The following BSN variants were observed in gnomAD, a reference collection of about 807,000 sequenced individuals.
BSN encodes bassoon presynaptic cytomatrix protein.
Under a neutral mutation model 264.8 loss-of-function variants are expected in BSN, and 57 were observed. The observed-to-expected ratio is 0.22, with a 90% confidence interval of 0.17 to 0.27. BSN has a LOEUF of 0.27. Among genes scored for constraint, BSN ranks in the 10% least tolerant of loss-of-function variants. The pLI, the probability that BSN is intolerant of heterozygous loss-of-function variation, is 1.00. For synonymous variants in BSN, 2,059 were observed against 2,137.3 expected (o/e 0.96, Z 1.01); for missense variants, 4,615 against 5,232.5 (o/e 0.88, Z 3.64).
intron 1 of BSN, among the ~76,000 whole-genome samples, chr3:49,575,604 CA>C (rs938218648): frequency 1.6e-4 from 23 of 140,898 alleles, no homozygotes; most frequent in African/African-American, 5.8e-4. Flanking sequence ...AATATATATA[CA>C]TATATATGTG....
In BSN at chr3:49,650,272, G is replaced by A. The variant is rs561895858; in HGVS notation, c.1519-340G>A. 3.3e-3 allele frequency among the ~76,000 whole-genome samples: 507 copies of A among 152,324 alleles called. 2 individuals carry two copies. Among genetic ancestry groups the A allele is most frequent in the Non-Finnish European group, 3.1e-3 (209 of 68,026 alleles). On this transcript the variant is annotated intron_variant, in intron 3 of 11. Transcript: ENST00000296452. The stretch of plus-strand genomic sequence containing the variant: ...CCACTAGGAGCCGTTTGCTCCCTCA[G>A]ATTGAGACCTCAGCTTCCCCTGTGC...
At position 49,629,588 on chromosome 3, in the gene BSN, G is replaced by A. The variant is rs2052369633; in HGVS notation, c.633+4205G>A. ...ATCCTGGCCTGGAGCTCCTGCAGAT[G>A]CCAGTCTGTCCTCATCCTCAGAACA... On this transcript the variant is annotated intron_variant, in intron 2 of 11. Transcript: ENST00000296452. Among the ~76,000 whole-genome samples the A allele has an allele frequency of 3.9e-5, 6 of 152,378 alleles. No individual in the cohort carries two copies. The South Asian group carries it at 1.2e-3, about 32-fold the overall frequency.
rs1161593001 is a variant in BSN, at chr3:49,625,030, C to T, written c.280C>T (p.Pro94Ser). ...EPLGNQRAAS[P>S]TPKQASATTP... ...CCTGGGTAACCAGAGAGCAGCTTCCCCAACTCCGAAGCAGGCTTCTGCTAC... is the reference window on the plus strand; with the variant it reads ...CCTGGGTAACCAGAGAGCAGCTTCCTCAACTCCGAAGCAGGCTTCTGCTAC... The change falls in exon 2 of 12, where the codon CCA becomes TCA. Residue 94 changes from proline to serine, a missense_variant. By Grantham distance (74) the Pro-to-Ser change is moderately conservative. Around this residue, in one of 3 missense-constraint regions of BSN, gnomAD observed 1,197 missense variants for 1,348.0 expected, o/e 0.89. Coordinates refer to ENST00000296452, the MANE Select transcript of BSN (RefSeq NM_003458.4). This position sits in a 1 kb window ranked among gnomAD's most constrained non-coding sequence, Gnocchi z 4.4. The T allele has an allele frequency of 6.3e-7, 1 of 1,582,950 alleles. No homozygotes were observed. The highest frequency in any genetic ancestry group is 1.1e-5 in the South Asian group (1 of 87,744).
intron 1 of BSN, among the ~76,000 whole-genome samples, chr3:49,600,928 A>T (rs1247740434): frequency 6.6e-6 from 1 of 152,138 alleles, no homozygotes; most frequent in Non-Finnish European, 1.5e-5. Flanking sequence ...AGCCCTGGGA[A>T]TGAGTGGAGG....
In BSN at chr3:49,583,476, G is replaced by A. The variant is rs141132788; in HGVS notation, c.224+28650G>A. ...TAATTTATTTTTGGCTGGGCACAGT[G>A]GCTCATGCCTCTAATCCCAGCACTG... is the stretch of plus-strand genomic sequence containing the variant. On this transcript the variant is annotated intron_variant, in intron 1 of 11. Coordinates refer to ENST00000296452, the MANE Select transcript of BSN (RefSeq NM_003458.4). Among the ~76,000 whole-genome samples the A allele has an allele frequency of 1.2e-3, 185 of 152,226 alleles. 1 individual carries two copies. Among genetic ancestry groups the A allele is most frequent in the Middle Eastern group, 0.01 (3 of 294 alleles).
intron 2 of BSN, among the ~76,000 whole-genome samples, chr3:49,626,705 G>A (rs2052343223): frequency 6.6e-6 from 1 of 152,236 alleles, no homozygotes. Flanking sequence ...GGAACAGGGA[G>A]GCTTGGCAGG....
At chr3:49,568,433 T>C (rs780531866) in intron 1 of BSN, among the ~76,000 whole-genome samples, 20 of 152,246 alleles carry the variant, frequency 1.3e-4, no homozygotes, top group Non-Finnish European at 2.5e-4. Context: ...TCTTGTTCCC[T>C]CTACTTTATT....
intron 1 of BSN, among the ~76,000 whole-genome samples, chr3:49,602,332 A>T (rs531814702): frequency 6.6e-6 from 1 of 152,352 alleles, no homozygotes; most frequent in Middle Eastern, 3.4e-3. Flanking sequence ...AGGAAGGGTC[A>T]TGGAGCATGA....
chr3:49,648,084 G>C (rs2052513665), intron 3 of BSN, among the ~76,000 whole-genome samples: 1 of 152,262 alleles, frequency 6.6e-6, no homozygotes, highest in South Asian at 2.1e-4. Context: ...TGTGACCACA[G>C]GTAACATCTC....
In BSN at chr3:49,658,112, C is replaced by T. The variant is rs752442607; in HGVS notation, c.8556C>T (p.Asp2852=). 2.5e-6 allele frequency: 4 copies of T among 1,612,494 alleles called. No homozygotes were observed. The highest frequency in any genetic ancestry group is 3.4e-6 in the Non-Finnish European group (4 of 1,179,530). The change falls in exon 5 of 12, where the codon GAC becomes GAT. Residue 2852 remains aspartate (D), a synonymous_variant. Transcript: ENST00000296452. ...AGACCCTGCAGCGGTCCCTGTCTGA[C>T]CCTAAGCCCCTCAGCCCCACCGCCG... ...PMKTLQRSLS[D]PKPLSPTAEE...
At position 49,618,459 on chromosome 3, in the gene BSN, T is replaced by A. The variant is rs531697313; in HGVS notation, c.225-6516T>A. 2.6e-5 allele frequency among the ~76,000 whole-genome samples: 4 copies of A among 152,316 alleles called. No individual in the cohort carries two copies. In the South Asian group the frequency reaches 6.2e-4, roughly 24 times the overall value. On this transcript the variant is annotated intron_variant, in intron 1 of 11. Transcript: ENST00000296452. ...CTCACTGGTTTCCTACCTCATCATC[T>A]TCTTCTCCTTGAAGAGACCCTAAAC...
intron 2 of BSN, among the ~76,000 whole-genome samples, chr3:49,637,915 A>G (rs1468877679): frequency 6.6e-6 from 1 of 152,214 alleles, no homozygotes; most frequent in Non-Finnish European, 1.5e-5. Context: ...GGAGATGGCA[A>G]GATGGGCTTC....
intron 1 of BSN, among the ~76,000 whole-genome samples, chr3:49,576,444 A>T (rs1241182259): frequency 7.5e-5 from 11 of 147,422 alleles, no homozygotes; most frequent in African/African-American, 2.8e-4. Flanking sequence ...TTTTTGAGAC[A>T]GAGTCTTGCT....
chr3:49,643,209 AG>A, intron 3 of BSN, 57 bp downstream of exon 3: 1 of 1,540,192 alleles, frequency 6.5e-7, no homozygotes, highest in South Asian at 1.3e-5. Flanking sequence ...GGGCCTGGGT[AG>A]TGAGTGTCAT....
At chr3:49,593,155 G>A (rs1471680269) in intron 1 of BSN, among the ~76,000 whole-genome samples, 2 of 152,164 alleles carry the variant, frequency 1.3e-5, no homozygotes, top group African/African-American at 2.4e-5. Flanking sequence ...AATACAATGT[G>A]TAACCTTTTG....
intron 1 of BSN, among the ~76,000 whole-genome samples, chr3:49,619,410 AC>A (rs1419109754): frequency 6.6e-6 from 1 of 151,998 alleles, no homozygotes; most frequent in African/African-American, 2.4e-5. Flanking sequence ...AATGCTTTCT[AC>A]CCCCTCTACA....
At position 49,651,498 on chromosome 3, in the gene BSN, A is replaced by C. The variant is rs1393553548; in HGVS notation, c.1987-45A>C. On this transcript the variant is annotated intron_variant, in intron 4 of 11. Coordinates refer to ENST00000296452, the MANE Select transcript of BSN (RefSeq NM_003458.4). This position sits in a 1 kb window ranked among gnomAD's most constrained non-coding sequence, Gnocchi z 5.4. ...CAGGGAGGATTGGGTTCCCACCACG[A>C]GCTTTGCCATGGGGAGTCAGTGTCT... The C allele has an allele frequency of 6.6e-7, 1 of 1,519,946 alleles. No homozygotes were observed. The highest frequency in any genetic ancestry group is 8.8e-7 in the Non-Finnish European group (1 of 1,131,704). The allele number at this position is 1,519,946 out of a possible 1,614,324, so 94.2% of individuals were successfully genotyped here.
At chr3:49,606,973 G>A (rs1430937952) in intron 1 of BSN, among the ~76,000 whole-genome samples, 7 of 152,022 alleles carry the variant, frequency 4.6e-5, no homozygotes, top group East Asian at 1.9e-4. Flanking sequence ...AAAATTAGCC[G>A]GACATGGTGG....
intron 1 of BSN, among the ~76,000 whole-genome samples, chr3:49,592,475 C>T (rs183767585): frequency 5.3e-5 from 8 of 150,528 alleles, no homozygotes; most frequent in Non-Finnish European, 8.9e-5. Flanking sequence ...CAGAGAGGGC[C>T]GGACGCGGTG....
Sources: allele counts gnomAD v4.1 joint callset (sites outside exome capture counted in the v4.1 genomes callset), GRCh38; gene constraint gnomAD v4.1.1; regional missense constraint gnomAD v4.1.1; non-coding constraint Gnocchi (gnomAD v3.1); transcripts MANE v1.5; gene names NCBI Gene and HGNC (gene_info 2026-07-23, HGNC 2026-07-21).